SULF2: variants seen among roughly 807,000 people sequenced by gnomAD.
SULF2 encodes the protein sulfatase 2.
Under a neutral mutation model 107.7 loss-of-function variants are expected in SULF2, and 52 were observed. That is an observed-to-expected ratio of 0.48 (90% CI 0.39 to 0.61). The LOEUF is 0.61. SULF2 is among the 20% of genes least tolerant of loss of function. The probability of loss-of-function intolerance (pLI) is 0.00; values close to 1 mark genes in which losing one functional copy is unlikely to be tolerated. For missense variants in SULF2, 993 were observed against 1,177.3 expected (o/e 0.84, Z 2.29); for synonymous variants, 460 against 464.3 (o/e 0.99, Z 0.12).
At chr20:47,765,373 A>C (rs1012307012) in intron 1 of SULF2, among the ~76,000 whole-genome samples, 1 of 58,212 alleles carries the variant, frequency 1.7e-5, no homozygotes, top group African/African-American at 7.7e-5. Context: ...AAACAAAACA[A>C]AAAAAAAAAA....
intron 3 of SULF2, among the ~76,000 whole-genome samples, chr20:47,734,324 A>T (rs2089680598): frequency 6.6e-6 from 1 of 152,216 alleles, no homozygotes. Context: ...ATGGCTGAAG[A>T]CTCAGCAGGA....
intron 1 of SULF2, among the ~76,000 whole-genome samples, chr20:47,762,043 C>A (rs1840062554): frequency 6.6e-6 from 1 of 152,218 alleles, no homozygotes; most frequent in South Asian, 2.1e-4. Flanking sequence ...TCACCTTCCA[C>A]CATGATTGTA....
intron 1 of SULF2, among the ~76,000 whole-genome samples, chr20:47,784,418 T>G (rs2090885306): frequency 1.3e-5 from 2 of 150,478 alleles, no homozygotes; most frequent in African/African-American, 4.9e-5. Flanking sequence ...GAGGAGAGGG[T>G]CGTCACAGGC....
At chr20:47,740,832 C>A (rs926980990) in intron 2 of SULF2, among the ~76,000 whole-genome samples, 1 of 152,052 alleles carries the variant, frequency 6.6e-6, no homozygotes, top group Admixed American at 6.5e-5. Flanking sequence ...TGATGTCATT[C>A]GGCTGTCGAT....
In SULF2 at chr20:47,663,513, G is replaced by C; in HGVS notation, c.2167C>G (p.Pro723Ala). The C allele has an allele frequency of 6.2e-7, 1 of 1,612,544 alleles. No homozygotes were observed. The highest frequency in any genetic ancestry group is 8.5e-7 in the Non-Finnish European group (1 of 1,180,030). The change falls in exon 16 of 21, where the codon CCA (proline) becomes GCA (alanine). Residue 723 changes from proline (P) to alanine (A), a missense_variant. This residue lies in a region of SULF2 where 497 missense variants were observed against 544.1 expected (regional missense o/e 0.91). Coordinates refer to ENST00000688720, the MANE Select transcript of SULF2 (RefSeq NM_001387048.1). ...RLQNNDTCSM[P>A]GLTCFTHDNQ... is the part of the protein sequence containing the mutation. ...TCGTGGGTGAAGCACGTGAGGCCTG[G>C]CATGCTGCACGTGTCGTTGTTCTGC...
chr20:47,783,735 A>C (rs991398525), intron 1 of SULF2, among the ~76,000 whole-genome samples: 3 of 152,224 alleles, frequency 2.0e-5, no homozygotes, highest in Non-Finnish European at 4.4e-5. Context: ...ATGTATATAA[A>C]TTTAGCTGGG....
Position 47,785,458 on chromosome 20 carries a change from G to A in SULF2, c.-216C>T. On this transcript the variant is annotated 5_prime_UTR_variant, in exon 1 of 21. Coordinates refer to ENST00000688720, the MANE Select transcript of SULF2 (RefSeq NM_001387048.1). ...CCGCGCCGCCGCTGCCGCTGCCGCC[G>A]CCGCCGCCGCCGCTGCCGCTGCTGC... 6.3e-6 allele frequency: 1 copy of A among 157,488 alleles called. No individual in the cohort carries two copies. Among genetic ancestry groups the A allele is most frequent in the Non-Finnish European group, 1.3e-5 (1 of 75,788 alleles). 9.8% of individuals were successfully genotyped at this position (157,488 alleles called of 1,614,324 possible). A position where few individuals can be genotyped will look rare whatever the true frequency, so the allele number is the denominator to read the frequency against.
intron 2 of SULF2, 118 bp from the exon 3 acceptor site, chr20:47,737,060 G>A (rs376003103): frequency 8.5e-6 from 12 of 1,414,408 alleles, no homozygotes; most frequent in South Asian, 1.3e-5. Flanking sequence ...GCAGACCTAC[G>A]GGGCAGACGG....
In SULF2 at chr20:47,676,627, T is replaced by C; in HGVS notation, c.1251-4A>G. Reference sequence around the variant, plus strand: ...GTCTCTCTTGTGTAGCAGCTTGCTATGGGGCAGAGAGCAGGAGCCGCGGGG... The same window carrying C: ...GTCTCTCTTGTGTAGCAGCTTGCTACGGGGCAGAGAGCAGGAGCCGCGGGG... On this transcript the variant is annotated splice_polypyrimidine_tract_variant and splice_region_variant and intron_variant, in intron 9 of 20. Transcript: ENST00000688720. The C allele has an allele frequency of 6.4e-7, 1 of 1,550,438 alleles. No individual in the cohort carries two copies. The highest frequency in any genetic ancestry group is 8.7e-7 in the Non-Finnish European group (1 of 1,147,488).
intron 2 of SULF2, among the ~76,000 whole-genome samples, chr20:47,738,968 C>T (rs2089813121): frequency 6.6e-6 from 1 of 152,194 alleles, no homozygotes; most frequent in African/African-American, 2.4e-5. Flanking sequence ...AGAAGACGCA[C>T]AGGCACAGAG....
chr20:47,662,987 CA>C, intron 17 of SULF2, 82 bp downstream of exon 17: 1 of 1,537,932 alleles, frequency 6.5e-7, no homozygotes, highest in South Asian at 1.2e-5. Context: ...AATTTGTCAT[CA>C]CTTCCCTGAG....
At chr20:47,753,577 G>A (rs750260441) in intron 2 of SULF2, among the ~76,000 whole-genome samples, 52 of 152,244 alleles carry the variant, frequency 3.4e-4, no homozygotes, top group South Asian at 8.3e-4. Flanking sequence ...ATCCTTTGCC[G>A]AAGGCAATGG....
chr20:47,769,359 A>ATTTTTTTTT (rs71183279), intron 1 of SULF2, among the ~76,000 whole-genome samples: 1 of 128,574 alleles, frequency 7.8e-6, no homozygotes, highest in Non-Finnish European at 1.7e-5. Flanking sequence ...TAATTTTTGT[A>ATTTTTTTTT]TTTTTTTTTT....
intron 2 of SULF2, among the ~76,000 whole-genome samples, chr20:47,737,610 G>A (rs1199890710): frequency 2.6e-5 from 4 of 151,862 alleles, no homozygotes; most frequent in South Asian, 2.1e-4. Context: ...CCAACCCATC[G>A]GCCTAGTACC....
chr20:47,710,787 G>A (rs1408612697), intron 3 of SULF2, among the ~76,000 whole-genome samples: 1 of 152,008 alleles, frequency 6.6e-6, no homozygotes, highest in Non-Finnish European at 1.5e-5. Flanking sequence ...ACCCTGCTTC[G>A]TGGCCCAGCA....
At chr20:47,723,076 C>A (rs527983643) in intron 3 of SULF2, among the ~76,000 whole-genome samples, 90 of 151,146 alleles carry the variant, frequency 6.0e-4, no homozygotes, top group African/African-American at 2.0e-3. Context: ...CAAAAAAAAA[C>A]CAAAACAAAA....
At chr20:47,747,899 C>T (rs184350461) in intron 2 of SULF2, among the ~76,000 whole-genome samples, 4 of 152,240 alleles carry the variant, frequency 2.6e-5, no homozygotes, top group East Asian at 1.9e-4. Flanking sequence ...CAAGCAGCAC[C>T]GGAATCCACC....
chr20:47,751,512 C>T (rs1453009998), intron 2 of SULF2, among the ~76,000 whole-genome samples: 1 of 152,180 alleles, frequency 6.6e-6, no homozygotes, highest in Non-Finnish European at 1.5e-5. Context: ...ACAGGGATGG[C>T]TTGCACCTGT....
chr20:47,752,041 G>A (rs922537673), intron 2 of SULF2, among the ~76,000 whole-genome samples: 14 of 152,230 alleles, frequency 9.2e-5, no homozygotes, highest in African/African-American at 2.9e-4. Flanking sequence ...CTGCATGAGC[G>A]TGGACAGCAC....
Sources: gnomAD v4.1 joint callset for allele counts (sites outside exome capture counted in the v4.1 genomes callset) on GRCh38, gnomAD v4.1.1 for gene constraint, gnomAD v4.1.1 regional missense constraint, MANE v1.5 for transcripts, NCBI Gene and HGNC (gene_info 2026-07-23, HGNC 2026-07-21) for gene names.